Variants in ZFHX3 observed in about 807,000 individuals in gnomAD.
The protein encoded by ZFHX3 is zinc finger homeobox 3.
A neutral mutation model predicts 279.1 loss-of-function variants in ZFHX3; 42 were observed. The ratio of observed to expected loss-of-function variants is 0.15; its 90% CI spans 0.12 to 0.19. ZFHX3 has a LOEUF of 0.19. Among genes scored for constraint, ZFHX3 ranks in the 10% least tolerant of loss-of-function variants. The pLI, the probability that ZFHX3 is intolerant of heterozygous loss-of-function variation, is 1.00. For missense variants in ZFHX3, 4,981 were observed against 4,754.0 expected (o/e 1.05, Z -1.40); for synonymous variants, 2,293 against 1,957.8 (o/e 1.17, Z -4.52).
At chr16:73,597,440 C>T (rs1026560899) in intron 2 of ZFHX3, among the ~76,000 whole-genome samples, 1 of 152,186 alleles carries the variant, frequency 6.6e-6, no homozygotes, top group Non-Finnish European at 1.5e-5. Context: ...TAGTGTCCCA[C>T]TAAAATTCGT....
intron 4 of ZFHX3, among the ~76,000 whole-genome samples, chr16:73,278,881 C>T (rs562762399): frequency 1.9e-4 from 29 of 152,234 alleles, no homozygotes; most frequent in African/African-American, 6.0e-4. Context: ...TTACAATCCT[C>T]TTGTAAGACA....
chr16:73,009,223 A>G (rs1963826284), intron 1 of ZFHX3, among the ~76,000 whole-genome samples: 1 of 152,228 alleles, frequency 6.6e-6, no homozygotes, highest in South Asian at 2.1e-4. Context: ...GTTAAAAAGA[A>G]AAGAAAAAAA....
chr16:73,261,232 T>C (rs569194638), intron 4 of ZFHX3, among the ~76,000 whole-genome samples: 38 of 151,978 alleles, frequency 2.5e-4, no homozygotes, highest in Non-Finnish European at 5.4e-4. Context: ...ATTGTTAAAC[T>C]AAAAAAAATA....
chr16:73,211,399 A>G (rs1447528953), intron 5 of ZFHX3, among the ~76,000 whole-genome samples: 1 of 152,228 alleles, frequency 6.6e-6, no homozygotes, highest in Non-Finnish European at 1.5e-5. Flanking sequence ...TGTCACTCAA[A>G]TTTTATCACT....
At chr16:72,889,511 A>C (rs1334569651) in intron 4 of ZFHX3, among the ~76,000 whole-genome samples, 1 of 151,764 alleles carries the variant, frequency 6.6e-6, no homozygotes. Context: ...AAAAAGAAGA[A>C]GAAGAAGAAA....
At chr16:73,579,197 C>A (rs1349484923) in intron 2 of ZFHX3, among the ~76,000 whole-genome samples, 4 of 152,176 alleles carry the variant, frequency 2.6e-5, no homozygotes, top group African/African-American at 9.7e-5. Context: ...ATCTCTGAGT[C>A]CACCTATGAC....
chr16:72,958,130 C>T lies in ZFHX3; in HGVS notation c.2016G>A (p.Lys672=). Residue 672 remains lysine (K), a synonymous_variant, in exon 2 of 10, where the codon AAG becomes AAA. Coordinates refer to ENST00000268489, the MANE Select transcript of ZFHX3 (RefSeq NM_006885.4). ...MHSRNSCKTL[K]CPKCNWHYKY... ...TATAGTGCCAGTTGCACTTGGGGCA[C>T]TTGAGTGTCTTACACGAGTTACGAG... 1 of 1,614,186 alleles carries T rather than the reference C, an allele frequency of 6.2e-7. No individual in the cohort carries two copies. The highest frequency in any genetic ancestry group is 8.5e-7 in the Non-Finnish European group (1 of 1,180,024).
At chr16:73,031,934 A>G (rs370429431) in intron 1 of ZFHX3, among the ~76,000 whole-genome samples, 2 of 152,162 alleles carry the variant, frequency 1.3e-5, no homozygotes, top group East Asian at 1.9e-4. Flanking sequence ...CTAGAACCTT[A>G]TAAGAGTAAG....
At chr16:73,523,190 T>A (rs1423125664) in intron 2 of ZFHX3, among the ~76,000 whole-genome samples, 1 of 152,204 alleles carries the variant, frequency 6.6e-6, no homozygotes, top group Non-Finnish European at 1.5e-5. Context: ...ATTTGGGATT[T>A]ATTATAATTT....
chr16:73,483,351 A>AAGAGAGAGAG (rs3087036), intron 2 of ZFHX3: 9 of 400,330 alleles, frequency 2.2e-5, no homozygotes, highest in African/African-American at 1.9e-4. Context: ...GAGAGAGAGA[A>AAGAGAGAGAG]AGAGAGAGAG....
Position 72,800,030 on chromosome 16 carries a change from G to A in ZFHX3, c.3964C>T (p.Pro1322Ser). Residue 1322 changes from proline (P) to serine (S), a missense_variant, in exon 8 of 10, where the codon CCT (proline) becomes TCT (serine). By Grantham distance (74) the Pro-to-Ser change is moderately conservative. Transcript: ENST00000268489. The part of the protein sequence containing the change: ...NSNLEEAGKQ[P>S]ETSEDLGKNI... Reference sequence around the variant, plus strand: ...GGTCAAGAATAATGATACTGACCAGGCTGCTTTCCTGCCTCTTCCAAATTG... The same window carrying A: ...GGTCAAGAATAATGATACTGACCAGACTGCTTTCCTGCCTCTTCCAAATTG... The A allele has an allele frequency of 6.2e-7, 1 of 1,613,870 alleles. No individual in the cohort carries two copies. The highest frequency in any genetic ancestry group is 1.7e-5 in the Admixed American group (1 of 60,006).
chr16:73,578,855 A>G (rs544435784), intron 2 of ZFHX3, among the ~76,000 whole-genome samples: 34 of 152,294 alleles, frequency 2.2e-4, no homozygotes, highest in Non-Finnish European at 2.5e-4. Flanking sequence ...TTTTATGTCT[A>G]TGTAAACCAA....
chr16:73,072,539 A>T (rs1965836875), intron 8 of ZFHX3, among the ~76,000 whole-genome samples: 1 of 151,784 alleles, frequency 6.6e-6, no homozygotes, highest in African/African-American at 2.4e-5. Context: ...TTAATATAGT[A>T]CCTGCCTTCA....
intron 5 of ZFHX3, among the ~76,000 whole-genome samples, chr16:73,252,334 C>T (rs1218577322): frequency 2.0e-5 from 3 of 152,100 alleles, no homozygotes; most frequent in Admixed American, 6.5e-5. Flanking sequence ...CAGGCATTGA[C>T]GGCTGGAGCT....
At chr16:73,731,228 T>C (rs763449984) in intron 1 of ZFHX3, among the ~76,000 whole-genome samples, 5 of 152,200 alleles carry the variant, frequency 3.3e-5, no homozygotes, top group Admixed American at 2.0e-4. Flanking sequence ...AACTGTCAGT[T>C]TTAATAAGAG....
intron 3 of ZFHX3, among the ~76,000 whole-genome samples, chr16:73,413,683 TAC>T (rs2017514192): frequency 6.6e-6 from 1 of 152,164 alleles, no homozygotes; most frequent in Non-Finnish European, 1.5e-5. Context: ...ATTATTCTGA[TAC>T]AGTCACTAAA....
At chr16:73,071,003 ACCCCGCCCCCCAACCCTCCC>A (rs1311724597) in intron 8 of ZFHX3, among the ~76,000 whole-genome samples, 3 of 23,766 alleles carry the variant, frequency 1.3e-4, no homozygotes, top group African/African-American at 1.8e-4. Flanking sequence ...TCCCTCCCCT[ACCCCGCCCCCCAACCCTCCC>A]CCCCGCCCCC....
At chr16:72,905,396 C>A (rs530432890) in intron 3 of ZFHX3, among the ~76,000 whole-genome samples, 2 of 152,210 alleles carry the variant, frequency 1.3e-5, no homozygotes, top group African/African-American at 4.8e-5. Context: ...CAGAGGACAA[C>A]TGAGTTGGTC....
chr16:73,006,636 AAAAG>A (rs1963711358), intron 1 of ZFHX3, among the ~76,000 whole-genome samples: 1 of 150,194 alleles, frequency 6.7e-6, no homozygotes, highest in Non-Finnish European at 1.5e-5. Flanking sequence ...GAAAAGAAAA[AAAAG>A]AAAGAAACGA....
Sources: allele counts gnomAD v4.1 joint callset (sites outside exome capture counted in the v4.1 genomes callset), GRCh38; gene constraint gnomAD v4.1.1; transcripts MANE v1.5; gene names NCBI Gene and HGNC (gene_info 2026-07-23, HGNC 2026-07-21).